The following TRMT44 variants were observed in gnomAD, a reference collection of about 807,000 sequenced individuals.
The protein encoded by TRMT44 is tRNA methyltransferase 44 homolog, also known as probable tRNA (uracil-O(2)-)-methyltransferase.
Under a neutral mutation model 77.3 loss-of-function variants are expected in TRMT44, and 78 were observed. That is an observed-to-expected ratio of 1.01 (90% confidence interval 0.84 to 1.22). The LOEUF is 1.22. Ranked by LOEUF, TRMT44 falls within the 50% of genes most tolerant of loss-of-function variation. The probability of loss-of-function intolerance (pLI) is 0.00; values close to 1 mark genes in which losing one functional copy is unlikely to be tolerated. For missense variants in TRMT44, 1,090 were observed against 964.4 expected (o/e 1.13, Z -1.73); for synonymous variants, 391 against 383.3 (o/e 1.02, Z -0.23).
chr4:8,444,834 C>T lies in TRMT44; in HGVS notation c.620-1642C>T, dbSNP rs1245876301. Among the ~76,000 whole-genome samples, 1 of 152,240 alleles carries T rather than the reference C, an allele frequency of 6.6e-6. No individual in the cohort carries two copies. Among genetic ancestry groups the T allele is most frequent in the Non-Finnish European group, 1.5e-5 (1 of 68,050 alleles). ...ATTGCATGCCTGGATCAAAACATTT[C>T]ATGTACCCTGTAAATATATATACCT... On this transcript the variant is annotated intron_variant, in intron 1 of 10. Transcript: ENST00000389737. This position sits in a 1 kb window ranked among gnomAD's most constrained non-coding sequence, Gnocchi z 4.0.
chr4:8,499,431 A>G, the TRMT44 span, among the ~76,000 whole-genome samples: 1 of 151,934 alleles, frequency 6.6e-6, no homozygotes, highest in African/African-American at 2.4e-5. Flanking sequence ...ACATTTCTCC[A>G]TCCACGGAGC....
At chr4:8,502,087 CTG>C in the TRMT44 span, among the ~76,000 whole-genome samples, 1 of 152,202 alleles carries the variant, frequency 6.6e-6, no homozygotes, top group South Asian at 2.1e-4. Flanking sequence ...AAATTTGGTT[CTG>C]TGAGTCATAA....
At chr4:8,442,334 T>G (rs1394367311) in intron 1 of TRMT44, among the ~76,000 whole-genome samples, 2 of 152,210 alleles carry the variant, frequency 1.3e-5, no homozygotes, top group African/African-American at 2.4e-5. Context: ...GCATAGAGAC[T>G]GGATGGATGG....
At position 8,491,473 on chromosome 4, in the gene TRMT44, G is replaced by A. The variant is rs572776296; in HGVS notation, n.3892-1793G>A. Among the ~76,000 whole-genome samples the A allele has an allele frequency of 2.7e-3, 404 of 152,340 alleles. 1 individual carries two copies. Among genetic ancestry groups the A allele is most frequent in the Middle Eastern group, 0.01 (3 of 294 alleles). On this transcript the variant is annotated intron_variant and non_coding_transcript_variant, in intron 2 of 2. Coordinates refer to the TRMT44 transcript ENST00000511366. The stretch of plus-strand genomic sequence containing the variant: ...CGTGGAGCAGGGGGTGGTGCTCGTC[G>A]GGGAGGCTCGGGCCGCACAGGAGCC...
the TRMT44 span, among the ~76,000 whole-genome samples, chr4:8,504,449 T>A: frequency 2.6e-5 from 4 of 152,002 alleles, no homozygotes; most frequent in Admixed American, 2.6e-4. This position sits in a 1 kb window ranked among gnomAD's most constrained non-coding sequence, Gnocchi z 5.3. Flanking sequence ...AGCCAGCAGC[T>A]CCTGCCCCGC....
In TRMT44 at chr4:8,440,786, G is replaced by A; in HGVS notation, c.-37G>A. ...CGCGCCACCGGGCTGCGTCATCTCG[G>A]CGCGCCGCTGCCAGGGCTGTACACC... On this transcript the variant is annotated 5_prime_UTR_variant, in exon 1 of 11. Coordinates refer to ENST00000389737, the MANE Select transcript of TRMT44 (RefSeq NM_152544.3). 2 of 1,378,188 alleles carry A rather than the reference G, an allele frequency of 1.5e-6. No homozygotes were observed. The highest frequency in any genetic ancestry group is 1.9e-6 in the Non-Finnish European group (2 of 1,070,794). 85.4% of individuals were successfully genotyped at this position (1,378,188 alleles called of 1,614,324 possible).
chr4:8,465,806 C>T (rs1034803962), intron 8 of TRMT44, among the ~76,000 whole-genome samples: 6 of 152,212 alleles, frequency 3.9e-5, no homozygotes, highest in African/African-American at 9.6e-5. Flanking sequence ...GCCCTCCTTG[C>T]CTCTCCAGAA....
intron 2 of TRMT44, among the ~76,000 whole-genome samples, chr4:8,482,958 C>T (rs898983817): frequency 1.3e-5 from 2 of 151,588 alleles, no homozygotes; most frequent in South Asian, 2.1e-4. Flanking sequence ...AGGGCTGCTT[C>T]GAGTGGGATG....
In TRMT44 at chr4:8,449,563, T is replaced by C. The variant is rs1033315084; in HGVS notation, c.735-106T>C. 73 of 890,610 alleles carry C rather than the reference T, an allele frequency of 8.2e-5. No individual in the cohort carries two copies. In the African/African-American group the frequency reaches 1.0e-3, roughly 12 times the overall value. 55.2% of individuals were successfully genotyped at this position (890,610 alleles called of 1,614,324 possible). A position where few individuals can be genotyped will look rare whatever the true frequency, so the allele number is the denominator to read the frequency against. ...CTAGTTCGTTTTATGTTTTTGGTAA[T>C]ATAGATGTCTTAGCTTCTGTTTTCT... On this transcript the variant is annotated intron_variant, in intron 2 of 10. Transcript: ENST00000389737.
At chr4:8,501,109 G>T in the TRMT44 span, among the ~76,000 whole-genome samples, 1 of 152,218 alleles carries the variant, frequency 6.6e-6, no homozygotes, top group Non-Finnish European at 1.5e-5. This position sits in a 1 kb window ranked among gnomAD's most constrained non-coding sequence, Gnocchi z 4.4. Flanking sequence ...TGGGGCAGGT[G>T]GTCGTGCCAC....
At chr4:8,483,420 G>C (rs893099557) in intron 2 of TRMT44, among the ~76,000 whole-genome samples, 3 of 151,852 alleles carry the variant, frequency 2.0e-5, no homozygotes, top group African/African-American at 4.8e-5. Context: ...GTTTTTTTGG[G>C]GGGGGGCACG....
chr4:8,468,645 T>C (rs1178432372), intron 9 of TRMT44: 1 of 554,098 alleles, frequency 1.8e-6, no homozygotes, highest in South Asian at 2.7e-5. Context: ...CTAGAAATTA[T>C]CCAAAGAGAA....
At position 8,467,923 on chromosome 4, in the gene TRMT44, G is replaced by T. The variant is rs140592000; in HGVS notation, c.1504G>T (p.Val502Phe). The T allele has an allele frequency of 9.0e-5, 144 of 1,601,410 alleles. No individual in the cohort carries two copies. In the African/African-American group the frequency reaches 1.3e-3, roughly 15 times the overall value. ...CTTTCTTCAAACGCAGGTCTGTCTC[G>T]TTGGAAAATCCAGAACATACCCTTC... ...RIPSTKRVCL[V>F]GKSRTYPSSR... Residue 502 changes from valine to phenylalanine, a missense_variant, in exon 9 of 11, where the codon GTT (valine) becomes TTT (phenylalanine). Transcript: ENST00000389737.
chr4:8,466,962 C>T (rs1726602139), intron 8 of TRMT44, among the ~76,000 whole-genome samples: 2 of 152,220 alleles, frequency 1.3e-5, no homozygotes, highest in Admixed American at 1.3e-4. Flanking sequence ...AGGAGGTCGG[C>T]TTCCTTATCA....
Position 8,444,396 on chromosome 4 carries a change from T to C in TRMT44, c.620-2080T>C, listed in dbSNP as rs1724935965. ...GGGATTATAATGAATAATAACTTAA[T>C]TGTACTTTTTTTTTTTTTTTGAGAG... On this transcript the variant is annotated intron_variant, in intron 1 of 10. Coordinates refer to ENST00000389737, the MANE Select transcript of TRMT44 (RefSeq NM_152544.3). The surrounding 1 kb of genome is among the most constrained non-coding windows in gnomAD (Gnocchi z 4.0). 6.6e-6 allele frequency among the ~76,000 whole-genome samples: 1 copy of C among 151,886 alleles called. No individual in the cohort carries two copies. Among genetic ancestry groups the C allele is most frequent in the Admixed American group, 6.6e-5 (1 of 15,186 alleles).
the TRMT44 span, chr4:8,507,281 C>T: frequency 0.11 from 17,040 of 152,368 alleles, 1,108 homozygotes; most frequent in South Asian, 0.2. Context: ...GAGGCCAGGG[C>T]GTGTCCACAT....
chr4:8,492,691 A>T (rs1728044201), intron 2 of TRMT44, among the ~76,000 whole-genome samples: 1 of 152,216 alleles, frequency 6.6e-6, no homozygotes, highest in Admixed American at 6.5e-5. Flanking sequence ...CTTGTGGACA[A>T]ATGACAGAAC....
chr4:8,442,088 A>G (rs1724758336), intron 1 of TRMT44, among the ~76,000 whole-genome samples: 2 of 152,232 alleles, frequency 1.3e-5, no homozygotes, highest in Admixed American at 6.5e-5. Context: ...ACCACATTGT[A>G]GTGATTCAAA....
intron 1 of TRMT44, among the ~76,000 whole-genome samples, chr4:8,442,005 T>C (rs1434445093): frequency 1.3e-5 from 2 of 152,224 alleles, no homozygotes; most frequent in Non-Finnish European, 2.9e-5. Flanking sequence ...TCCTTTGTGC[T>C]CAAACAGCGT....
Sources: allele counts gnomAD v4.1 joint callset (sites outside exome capture counted in the v4.1 genomes callset), GRCh38; gene constraint gnomAD v4.1.1; non-coding constraint Gnocchi (gnomAD v3.1); transcripts MANE v1.5; gene names NCBI Gene and HGNC (gene_info 2026-07-23, HGNC 2026-07-21).